FAM184B: variants seen among roughly 807,000 people sequenced by gnomAD.
FAM184B encodes family with sequence similarity 184 member B.
Under a neutral mutation model 135.9 loss-of-function variants are expected in FAM184B, and 111 were observed. The observed-to-expected ratio is 0.82, with a 90% confidence interval of 0.70 to 0.96. The LOEUF (loss-of-function observed/expected upper bound fraction) is 0.96, where lower values mean the gene tolerates loss of function less well. Among genes scored for constraint, FAM184B ranks in the 40% least tolerant of loss-of-function variants. The pLI is 0.00. For missense variants in FAM184B, 1,375 were observed against 1,323.9 expected, an observed-to-expected ratio of 1.04 and a Z score of -0.60; for synonymous variants, 552 against 524.8, an observed-to-expected ratio of 1.05 and a Z score of -0.71.
In FAM184B at chr4:17,769,347, T is replaced by A. The variant is rs1718765113; in HGVS notation, c.141+11812A>T. On this transcript the variant is annotated intron_variant, in intron 1 of 17. Coordinates refer to ENST00000265018, the MANE Select transcript of FAM184B (RefSeq NM_015688.2). ...AATTATATCACTATACTTATAGATT[T>A]AGGTTTCTTTAAAAACTTTTTCTTT... 3.3e-5 allele frequency among the ~76,000 whole-genome samples: 5 copies of A among 152,356 alleles called. No individual in the cohort carries two copies. The South Asian group carries it at 1.0e-3, about 32-fold the overall frequency.
At chr4:17,659,063 C>T (rs1348876586) in intron 9 of FAM184B, among the ~76,000 whole-genome samples, 2 of 152,020 alleles carry the variant, frequency 1.3e-5, no homozygotes, top group African/African-American at 4.8e-5. Flanking sequence ...ATTGTCTGTT[C>T]CCACCTCCAT....
chr4:17,695,631 A>T (rs974159450), intron 5 of FAM184B, among the ~76,000 whole-genome samples: 4 of 152,046 alleles, frequency 2.6e-5, no homozygotes, highest in Admixed American at 2.6e-4. Context: ...AACTTGGGAT[A>T]TATGTGGAAT....
chr4:17,660,399 A>G (rs1361212173), intron 8 of FAM184B, among the ~76,000 whole-genome samples: 1 of 152,102 alleles, frequency 6.6e-6, no homozygotes, highest in Non-Finnish European at 1.5e-5. Context: ...AATGACTGAG[A>G]GCTTAGAGTT....
At chr4:17,673,762 G>T (rs1302817646) in intron 7 of FAM184B, among the ~76,000 whole-genome samples, 1 of 152,098 alleles carries the variant, frequency 6.6e-6, no homozygotes, top group Non-Finnish European at 1.5e-5. Flanking sequence ...GGAGATTCAG[G>T]AGGAAAGGTT....
At chr4:17,651,568 A>G (rs1248185602) in intron 11 of FAM184B, among the ~76,000 whole-genome samples, 2 of 150,806 alleles carry the variant, frequency 1.3e-5, no homozygotes, top group African/African-American at 4.9e-5. Flanking sequence ...AAAAAAGAAG[A>G]AAAGAAACAT....
chr4:17,720,123 T>C (rs1717485412), intron 1 of FAM184B, among the ~76,000 whole-genome samples: 1 of 152,218 alleles, frequency 6.6e-6, no homozygotes, highest in Admixed American at 6.5e-5. Context: ...GGGGTCTCAC[T>C]CAATTCCATT....
intron 1 of FAM184B, among the ~76,000 whole-genome samples, chr4:17,724,588 G>A (rs1416282306): frequency 8.5e-5 from 13 of 152,174 alleles, no homozygotes; most frequent in African/African-American, 2.4e-4. Flanking sequence ...TTCCATGGAG[G>A]AAAAGAGTTT....
At chr4:17,657,473 T>A (rs1189146179) in intron 10 of FAM184B, among the ~76,000 whole-genome samples, 1 of 152,168 alleles carries the variant, frequency 6.6e-6, no homozygotes, top group African/African-American at 2.4e-5. Flanking sequence ...GGGACACCTC[T>A]TCAAGGAACT....
chr4:17,762,062 C>G (rs1055644289), intron 1 of FAM184B, among the ~76,000 whole-genome samples: 1 of 150,034 alleles, frequency 6.7e-6, no homozygotes, highest in Non-Finnish European at 1.5e-5. Context: ...CTTCTCTTCT[C>G]CCTCTGCAAA....
chr4:17,781,234 AC>A lies in FAM184B; in HGVS notation c.65del (p.Gly22ValfsTer15). On this transcript the variant is annotated frameshift_variant, in exon 1 of 18. Coordinates refer to ENST00000265018, the MANE Select transcript of FAM184B (RefSeq NM_015688.2). LOFTEE classifies it high-confidence loss of function. This position sits in a 1 kb window ranked among gnomAD's most constrained non-coding sequence, Gnocchi z 6.5. ...CACAGTCCATTCTCCAGCCGGCGCC[AC>A]CGTCGGCTTTGGAGCCCTGGCAAGT... ...PGTCQGSKAD[G>X]GAGWRMDCDP... The A allele has an allele frequency of 6.4e-7, 1 of 1,550,858 alleles. No individual in the cohort carries two copies. The highest frequency in any genetic ancestry group is 8.7e-7 in the Non-Finnish European group (1 of 1,146,646).
At chr4:17,713,391 T>C (rs1717330574) in intron 1 of FAM184B, among the ~76,000 whole-genome samples, 1 of 152,150 alleles carries the variant, frequency 6.6e-6, no homozygotes, top group African/African-American at 2.4e-5. Flanking sequence ...CCAAAACTCC[T>C]CCCTCTCATC....
intron 3 of FAM184B, among the ~76,000 whole-genome samples, chr4:17,707,411 G>C (rs530285026): frequency 1.8e-4 from 28 of 152,220 alleles, no homozygotes; most frequent in Non-Finnish European, 3.8e-4. Context: ...CTGGGGGCAA[G>C]GGGTCCTTTC....
At chr4:17,638,459 T>C (rs1420196794) in intron 14 of FAM184B, among the ~76,000 whole-genome samples, 1 of 151,826 alleles carries the variant, frequency 6.6e-6, no homozygotes, top group Non-Finnish European at 1.5e-5. Flanking sequence ...GCCTCAGCCA[T>C]GCAAAGTGCT....
In FAM184B at chr4:17,770,098, C is replaced by T. The variant is rs182925606; in HGVS notation, c.141+11061G>A. ...TGGCAGAGGAAATGAGACTGAGAGG[C>T]GGACAGGAGCTACCTCAAGTGACCA... On this transcript the variant is annotated intron_variant, in intron 1 of 17. Transcript: ENST00000265018. Among the ~76,000 whole-genome samples the T allele has an allele frequency of 8.9e-4, 135 of 152,186 alleles. 1 individual carries two copies. The highest frequency in any genetic ancestry group is 6.2e-3 in the Admixed American group (95 of 15,288).
intron 6 of FAM184B, among the ~76,000 whole-genome samples, chr4:17,690,372 C>T (rs974228547): frequency 3.3e-5 from 5 of 152,134 alleles, no homozygotes; most frequent in African/African-American, 1.2e-4. Flanking sequence ...GGGACAGAGG[C>T]AGCAGAGCCT....
chr4:17,645,817 C>T (rs1427544443), intron 12 of FAM184B, among the ~76,000 whole-genome samples: 2 of 151,948 alleles, frequency 1.3e-5, no homozygotes, highest in East Asian at 3.9e-4. Flanking sequence ...AAAATTTTTG[C>T]AATCTACTCA....
intron 7 of FAM184B, among the ~76,000 whole-genome samples, chr4:17,679,660 A>G (rs1025720786): frequency 6.6e-6 from 1 of 152,172 alleles, no homozygotes; most frequent in African/African-American, 2.4e-5. Flanking sequence ...ACTACCCCCA[A>G]TCCCACTACT....
At chr4:17,674,517 G>A (rs1716266582) in intron 7 of FAM184B, among the ~76,000 whole-genome samples, 1 of 152,152 alleles carries the variant, frequency 6.6e-6, no homozygotes, top group African/African-American at 2.4e-5. Context: ...CATTGCTGAA[G>A]GCTGGGGCAG....
intron 5 of FAM184B, among the ~76,000 whole-genome samples, chr4:17,699,217 G>C (rs924989141): frequency 2.6e-5 from 4 of 151,494 alleles, no homozygotes; most frequent in Non-Finnish European, 4.4e-5. Context: ...AACTGAAACA[G>C]AGAGACAAGG....
Sources: gnomAD v4.1 joint callset for allele counts (sites outside exome capture counted in the v4.1 genomes callset) on GRCh38, gnomAD v4.1.1 for gene constraint, Gnocchi (gnomAD v3.1) non-coding constraint, MANE v1.5 for transcripts, NCBI Gene and HGNC (gene_info 2026-07-23, HGNC 2026-07-21) for gene names.